CCNB1IP1: variants seen among roughly 807,000 people sequenced by gnomAD.
The protein encoded by CCNB1IP1 is cyclin B1 interacting protein 1, also known as E3 ubiquitin-protein ligase CCNB1IP1.
In CCNB1IP1, 14 loss-of-function variants were observed where a neutral mutation model predicts 25.6. The observed-to-expected ratio is 0.55, with a 90% CI of 0.36 to 0.85. CCNB1IP1 has a LOEUF of 0.85. Among genes scored for constraint, CCNB1IP1 ranks in the 40% least tolerant of loss-of-function variants. CCNB1IP1 has a pLI of 0.01. For synonymous variants in CCNB1IP1, 119 were observed against 116.1 expected (o/e 1.02, Z -0.16); for missense variants, 278 against 342.4 (o/e 0.81, Z 1.48).
At position 20,311,476 on chromosome 14, in the gene CCNB1IP1, C is replaced by T; in HGVS notation, c.*74G>A. On this transcript the variant is annotated 3_prime_UTR_variant, in exon 7 of 7. Transcript: ENST00000358932. ...CTTAGATCACTAAAGCCTCAGACTCCTGGGCTCAAGTGATCCTCCCAGCCT... is the reference window on the plus strand; with the variant it reads ...CTTAGATCACTAAAGCCTCAGACTCTTGGGCTCAAGTGATCCTCCCAGCCT... 3.0e-6 allele frequency: 4 copies of T among 1,313,884 alleles called. No homozygotes were observed. The highest frequency in any genetic ancestry group is 4.4e-6 in the Non-Finnish European group (4 of 911,564). 81.4% of individuals were successfully genotyped at this position (1,313,884 alleles called of 1,614,324 possible).
chr14:20,325,337 C>T (rs1381529740), intron 4 of CCNB1IP1, among the ~76,000 whole-genome samples: 1 of 149,466 alleles, frequency 6.7e-6, no homozygotes, highest in Admixed American at 6.7e-5. Context: ...AGGAGAATGG[C>T]GTGAACCCGG....
rs140737558 is a variant in CCNB1IP1, at chr14:20,317,108, C to G, written c.-37-548G>C. On this transcript the variant is annotated intron_variant, in intron 4 of 6. Transcript: ENST00000358932. ...TGGGGGACAGAGCAAGAATCTCTCT[C>G]ATAACATGTATATATATAGGCTGGG... Among the ~76,000 whole-genome samples, 291 of 151,868 alleles carry G rather than the reference C, an allele frequency of 1.9e-3. 1 individual carries two copies. The highest frequency in any genetic ancestry group is 5.6e-3 in the African/African-American group (232 of 41,386).
intron 2 of CCNB1IP1, among the ~76,000 whole-genome samples, chr14:20,328,786 T>A (rs1351537042): frequency 6.6e-6 from 1 of 152,220 alleles, no homozygotes; most frequent in Non-Finnish European, 1.5e-5. Flanking sequence ...CCTTTCCCAA[T>A]GTGTGATGCT....
Position 20,314,160 on chromosome 14 carries a change from T to C in CCNB1IP1, c.298-359A>G, listed in dbSNP as rs115037538. On this transcript the variant is annotated intron_variant, in intron 5 of 6. Coordinates refer to ENST00000358932, the MANE Select transcript of CCNB1IP1 (RefSeq NM_021178.5). ...GAATAGACTCTAAGACAACCACAAA[T>C]TATCGTCTCCTGGTACATACACCCT... The C allele has an allele frequency of 1.5e-3, 254 of 171,956 alleles. 1 individual carries two copies. Among genetic ancestry groups the C allele is most frequent in the African/African-American group, 5.7e-3 (240 of 42,116 alleles). 10.7% of individuals were successfully genotyped at this position (171,956 alleles called of 1,614,324 possible).
chr14:20,315,636 A>G, intron 5 of CCNB1IP1: 1 of 1,284,926 alleles, frequency 7.8e-7, no homozygotes, highest in Non-Finnish European at 1.0e-6. Context: ...TAGAAATCAT[A>G]AAGGGAAAAA....
intron 6 of CCNB1IP1, 129 bp from the exon 7 acceptor site, chr14:20,311,881 A>G (rs536630667): frequency 1.8e-6 from 1 of 542,752 alleles, no homozygotes; most frequent in Non-Finnish European, 3.0e-6. Flanking sequence ...AGAAAAAAAC[A>G]GACATATAAA....
intron 4 of CCNB1IP1, chr14:20,320,541 A>G (rs991751622): frequency 3.1e-6 from 1 of 321,070 alleles, no homozygotes; most frequent in African/African-American, 2.2e-5. Context: ...TCAGAATAAC[A>G]AAATTATATT....
intron 5 of CCNB1IP1, chr14:20,314,624 TA>T (rs1882615694): frequency 6.6e-6 from 1 of 152,102 alleles, no homozygotes; most frequent in African/African-American, 2.4e-5. Context: ...TCATTAAACT[TA>T]AAAATCTCTG....
chr14:20,325,553 G>A lies in CCNB1IP1; in HGVS notation c.-52C>T, dbSNP rs959304514. 12 of 151,912 alleles carry A rather than the reference G, an allele frequency of 7.9e-5. No homozygotes were observed. Among genetic ancestry groups the A allele is most frequent in the Admixed American group, 2.6e-4 (4 of 15,242 alleles). 9.4% of individuals were successfully genotyped at this position (151,912 alleles called of 1,614,324 possible). A position where few individuals can be genotyped will look rare whatever the true frequency, so the allele number is the denominator to read the frequency against. ...GTAAGCCTTACCATAAAAGAAAAAC[G>A]CAGTACTCATCTACAGTATATCCAG... On this transcript the variant is annotated 5_prime_UTR_variant, in exon 4 of 7. Transcript: ENST00000358932.
At chr14:20,326,513 C>T (rs1289288034) in intron 3 of CCNB1IP1, 1 of 534,606 alleles carries the variant, frequency 1.9e-6, no homozygotes, top group Non-Finnish European at 3.8e-6. Context: ...ACATGCATTT[C>T]ATCATGGCAA....
intron 4 of CCNB1IP1, chr14:20,318,209 C>T (rs180819619): frequency 1.3e-5 from 2 of 152,320 alleles, no homozygotes; most frequent in Non-Finnish European, 2.9e-5. Context: ...CGCGGTGGCT[C>T]ACGCCTGTAA....
intron 5 of CCNB1IP1, chr14:20,315,875 C>A (rs1444637722): frequency 5.0e-6 from 3 of 602,138 alleles, no homozygotes; most frequent in South Asian, 1.6e-5. Flanking sequence ...AAAACCCCGT[C>A]TCAAAAGGAA....
Position 20,316,462 on chromosome 14 carries a change from C to G in CCNB1IP1, c.62G>C (p.Gly21Ala). Residue 21 changes from glycine (G) to alanine (A), a missense_variant, in exon 5 of 7, where the codon GGC (glycine) becomes GCC (alanine). Coordinates refer to ENST00000358932, the MANE Select transcript of CCNB1IP1 (RefSeq NM_021178.5). ...AGAGCAGGCAGTGACCCATGCATAG[C>G]CAGAGAGTTTGATGCGACACTTTCG... is the stretch of plus-strand genomic sequence containing the variant. ...NYRKCRIKLSGYAWVTACSHI... is the reference protein window; with the variant it reads ...NYRKCRIKLSAYAWVTACSHI... The G allele has an allele frequency of 3.1e-6, 5 of 1,613,510 alleles. No individual in the cohort carries two copies. Among genetic ancestry groups the G allele is most frequent in the Non-Finnish European group, 4.2e-6 (5 of 1,179,962 alleles).
chr14:20,324,001 G>C (rs1053857275), intron 4 of CCNB1IP1, among the ~76,000 whole-genome samples: 7 of 149,472 alleles, frequency 4.7e-5, no homozygotes, highest in African/African-American at 9.9e-5. Flanking sequence ...TGAGGAACTA[G>C]ATAACAAGTT....
intron 6 of CCNB1IP1, among the ~76,000 whole-genome samples, chr14:20,313,108 G>A (rs997674134): frequency 2.0e-5 from 3 of 152,018 alleles, no homozygotes; most frequent in Non-Finnish European, 2.9e-5. Flanking sequence ...ACTTCATAAG[G>A]TTTTGTAAAT....
Position 20,315,622 on chromosome 14 carries a change from A to G in CCNB1IP1, c.297+605T>C, listed in dbSNP as rs1012198045. The G allele has an allele frequency of 1.4e-5, 18 of 1,286,518 alleles. No homozygotes were observed. The Admixed American group carries it at 2.1e-4, about 15-fold the overall frequency. The allele number at this position is 1,286,518 out of a possible 1,614,324, so 79.7% of individuals were successfully genotyped here. A position where few individuals can be genotyped will look rare whatever the true frequency, so the allele number is the denominator to read the frequency against. On this transcript the variant is annotated intron_variant, in intron 5 of 6. Coordinates refer to ENST00000358932, the MANE Select transcript of CCNB1IP1 (RefSeq NM_021178.5). Reference sequence around the variant, plus strand: ...GGGAGGTCTTTCAAAGGAAATACTAAAAGTAGAAATCATAAAGGGAAAAAG... The same window carrying G: ...GGGAGGTCTTTCAAAGGAAATACTAGAAGTAGAAATCATAAAGGGAAAAAG...
intron 2 of CCNB1IP1, 104 bp from the exon 3 acceptor site, chr14:20,326,897 G>A (rs529475137): frequency 1.1e-4 from 20 of 174,276 alleles, no homozygotes; most frequent in South Asian, 9.6e-4. Context: ...TAGAGTAACC[G>A]TTCATCCTTT....
chr14:20,322,647 G>A (rs1882932796), intron 4 of CCNB1IP1, among the ~76,000 whole-genome samples: 1 of 145,932 alleles, frequency 6.9e-6, no homozygotes, highest in East Asian at 2.0e-4. Context: ...TTGAGACGGA[G>A]TATCTCACTC....
chr14:20,315,372 G>T, intron 5 of CCNB1IP1: 1 of 497,818 alleles, frequency 2.0e-6, no homozygotes, highest in Non-Finnish European at 2.8e-6. Context: ...AGACAATTTG[G>T]CAGTTGCTTA....
Sources: allele counts gnomAD v4.1 joint callset (sites outside exome capture counted in the v4.1 genomes callset), GRCh38; gene constraint gnomAD v4.1.1; transcripts MANE v1.5; gene names NCBI Gene and HGNC (gene_info 2026-07-23, HGNC 2026-07-21).